The following PDGFD variants were observed in gnomAD, a reference collection of about 807,000 sequenced individuals.
PDGFD encodes the protein platelet derived growth factor D, also known as platelet-derived growth factor D.
A neutral mutation model predicts 44.7 loss-of-function variants in PDGFD; 30 were observed. That is an observed-to-expected ratio of 0.67 (90% confidence interval 0.50 to 0.91). The LOEUF (loss-of-function observed/expected upper bound fraction) is 0.91, where lower values mean the gene tolerates loss of function less well. Ranked by LOEUF, PDGFD falls within the 40% of genes least tolerant of loss-of-function variation. The pLI, the probability that PDGFD is intolerant of heterozygous loss-of-function variation, is 0.00. For missense variants in PDGFD, 445 were observed against 457.8 expected (o/e 0.97, Z 0.25); for synonymous variants, 173 against 168.4 (o/e 1.03, Z -0.21).
chr11:104,159,855 A>C (rs903828793), intron 1 of PDGFD, among the ~76,000 whole-genome samples: 9 of 152,206 alleles, frequency 5.9e-5, no homozygotes, highest in Non-Finnish European at 1.2e-4. Flanking sequence ...CATAGTACAC[A>C]GACACCTGGC....
At chr11:103,958,034 G>T (rs1232182146) in intron 3 of PDGFD, among the ~76,000 whole-genome samples, 1 of 151,736 alleles carries the variant, frequency 6.6e-6, no homozygotes, top group Non-Finnish European at 1.5e-5. Flanking sequence ...TAAATTTTGT[G>T]ACTAGTTGTT....
chr11:104,129,178 T>C (rs1311734989), intron 1 of PDGFD, among the ~76,000 whole-genome samples: 1 of 152,058 alleles, frequency 6.6e-6, no homozygotes, highest in African/African-American at 2.4e-5. Flanking sequence ...AGCTTTATAT[T>C]TACCCAGGAA....
intron 6 of PDGFD, among the ~76,000 whole-genome samples, chr11:103,922,028 G>A (rs1468159817): frequency 2.6e-5 from 4 of 151,784 alleles, no homozygotes; most frequent in Admixed American, 2.6e-4. Context: ...AGTGCAGGTG[G>A]TTAGGTCAAG....
At chr11:104,017,362 T>G (rs1439303636) in intron 1 of PDGFD, among the ~76,000 whole-genome samples, 1 of 152,198 alleles carries the variant, frequency 6.6e-6, no homozygotes, top group Non-Finnish European at 1.5e-5. Context: ...TTTTTGTTTT[T>G]TTTTAAATTA....
At chr11:104,035,561 C>CTTTTTTTTTTT (rs3050598) in intron 1 of PDGFD, among the ~76,000 whole-genome samples, 1 of 115,282 alleles carries the variant, frequency 8.7e-6, no homozygotes, top group African/African-American at 3.4e-5. Flanking sequence ...ACTTCTTTTT[C>CTTTTTTTTTTT]TTTTTTTTTT....
chr11:103,994,400 T>C (rs1335705779), intron 3 of PDGFD, among the ~76,000 whole-genome samples: 2 of 152,228 alleles, frequency 1.3e-5, no homozygotes, highest in Non-Finnish European at 2.9e-5. Flanking sequence ...ACTTCAATTT[T>C]AATACTTAGC....
In PDGFD at chr11:104,082,125, TATAC is replaced by T. The variant is rs962103021; in HGVS notation, c.124+81675_124+81678del. On this transcript the variant is annotated intron_variant, in intron 1 of 6. Coordinates refer to ENST00000393158, the MANE Select transcript of PDGFD (RefSeq NM_025208.5). The stretch of plus-strand genomic sequence containing the variant: ...TTTACTATATTTTTGTTGATGTCCA[TATAC>T]ATACATACATATATATATATGAAAA... Among the ~76,000 whole-genome samples the T allele has an allele frequency of 6.4e-5, 9 of 139,572 alleles. 2 individuals are homozygous for T. In the South Asian group the frequency reaches 6.7e-4, roughly 10 times the overall value. 91.6% of individuals were successfully genotyped at this position (139,572 alleles called of 152,430 possible). A position where few individuals can be genotyped will look rare whatever the true frequency, so the allele number is the denominator to read the frequency against.
chr11:104,142,188 T>A (rs532548451), intron 1 of PDGFD, among the ~76,000 whole-genome samples: 40 of 152,210 alleles, frequency 2.6e-4, no homozygotes, highest in Non-Finnish European at 3.8e-4. Context: ...TGCATGCCTG[T>A]ACATACATAT....
chr11:104,163,809 C>T lies in PDGFD; in HGVS notation c.119G>A (p.Arg40Gln). 1.3e-6 allele frequency: 2 copies of T among 1,543,274 alleles called. No individual in the cohort carries two copies. The highest frequency in any genetic ancestry group is 3.5e-5 in the Admixed American group (2 of 56,672). ...AAATAAAATGAGTCTCTTACCATCTCGCCTGAGGTTGGCGTTGCGCAAAGC... is the reference window on the plus strand; with the variant it reads ...AAATAAAATGAGTCTCTTACCATCTTGCCTGAGGTTGGCGTTGCGCAAAGC... ...IKALRNANLR[R>Q]DESNHLTDLY... Residue 40 changes from arginine (R) to glutamine (Q), a missense_variant, in exon 1 of 7, where the codon CGA becomes CAA. Transcript: ENST00000393158.
At chr11:104,099,372 G>T (rs1304377349) in intron 1 of PDGFD, among the ~76,000 whole-genome samples, 2 of 152,038 alleles carry the variant, frequency 1.3e-5, no homozygotes, top group Admixed American at 6.6e-5. Flanking sequence ...GGGTGAGGTG[G>T]TTCACACTTG....
At chr11:103,985,843 A>C (rs1859354961) in intron 3 of PDGFD, among the ~76,000 whole-genome samples, 1 of 152,166 alleles carries the variant, frequency 6.6e-6, no homozygotes. Context: ...AGCCAGGTGC[A>C]GCACAGATTG....
At chr11:104,041,966 A>G (rs1333231452) in intron 1 of PDGFD, among the ~76,000 whole-genome samples, 1 of 152,214 alleles carries the variant, frequency 6.6e-6, no homozygotes, top group Non-Finnish European at 1.5e-5. Context: ...AGATTCCATA[A>G]GCACTTAAGT....
intron 6 of PDGFD, among the ~76,000 whole-genome samples, chr11:103,910,357 T>C (rs995816637): frequency 2.7e-4 from 41 of 152,212 alleles, no homozygotes; most frequent in African/African-American, 9.6e-4. Flanking sequence ...GCGAGATCAA[T>C]GCAGAAGGCG....
chr11:104,073,156 T>C (rs1332919322), intron 1 of PDGFD, among the ~76,000 whole-genome samples: 1 of 151,984 alleles, frequency 6.6e-6, no homozygotes, highest in Non-Finnish European at 1.5e-5. Context: ...AAAATTAGCA[T>C]AAAAAAAGAT....
At position 104,117,581 on chromosome 11, in the gene PDGFD, A is replaced by G. The variant is rs184939620; in HGVS notation, c.124+46223T>C. Among the ~76,000 whole-genome samples the G allele has an allele frequency of 2.0e-5, 3 of 152,082 alleles. No homozygotes were observed. In the East Asian group the frequency reaches 5.8e-4, roughly 29 times the overall value. ...ACACAAATTAGTAGCTCTTCTATAC[A>G]CCAAAAAGCGACCAAGCAGAGAACC... is the stretch of plus-strand genomic sequence containing the variant. On this transcript the variant is annotated intron_variant, in intron 1 of 6. Coordinates refer to ENST00000393158, the MANE Select transcript of PDGFD (RefSeq NM_025208.5).
At position 104,047,501 on chromosome 11, in the gene PDGFD, G is replaced by A. The variant is rs192343810; in HGVS notation, c.125-47246C>T. Among the ~76,000 whole-genome samples the A allele has an allele frequency of 3.2e-4, 47 of 147,012 alleles. 4 individuals carry two copies. Among genetic ancestry groups the A allele is most frequent in the East Asian group, 3.1e-3 (16 of 5,086 alleles). On this transcript the variant is annotated intron_variant, in intron 1 of 6. Transcript: ENST00000393158. ...TTTCTCTAATGACCAGTGATGATGC[G>A]CTTTTTTTCATGTTTGTTGGCTGCA...
Position 104,162,034 on chromosome 11 carries a change from T to A in PDGFD, c.124+1770A>T, listed in dbSNP as rs1367431777. 2.0e-5 allele frequency among the ~76,000 whole-genome samples: 3 copies of A among 151,370 alleles called. No homozygotes were observed. In the East Asian group the frequency reaches 5.8e-4, roughly 29 times the overall value. ...AACTGAAATATGAAGAAATGAGAAATCCAGGGTAGTTTTTAAAGCTTTCAT... is the reference window on the plus strand; with the variant it reads ...AACTGAAATATGAAGAAATGAGAAAACCAGGGTAGTTTTTAAAGCTTTCAT... On this transcript the variant is annotated intron_variant, in intron 1 of 6. Transcript: ENST00000393158.
intron 1 of PDGFD, among the ~76,000 whole-genome samples, chr11:104,040,117 A>G (rs937352487): frequency 1.3e-5 from 2 of 152,096 alleles, no homozygotes; most frequent in Non-Finnish European, 2.9e-5. Context: ...ACCACATTTA[A>G]TCTTTCTGGC....
intron 1 of PDGFD, among the ~76,000 whole-genome samples, chr11:104,087,296 A>G (rs1416672115): frequency 6.6e-6 from 1 of 151,196 alleles, no homozygotes; most frequent in Non-Finnish European, 1.5e-5. Flanking sequence ...CCCAGGTTCA[A>G]GTGATTCTCC....
Sources: allele counts gnomAD v4.1 joint callset (sites outside exome capture counted in the v4.1 genomes callset), GRCh38; gene constraint gnomAD v4.1.1; transcripts MANE v1.5; gene names NCBI Gene and HGNC (gene_info 2026-07-23, HGNC 2026-07-21).